CDH8: variants seen among roughly 807,000 people sequenced by gnomAD.
CDH8 encodes the protein cadherin-8.
In CDH8, 17 loss-of-function variants were observed where a neutral mutation model predicts 68.1. The ratio of observed to expected loss-of-function variants is 0.25; its 90% confidence interval spans 0.17 to 0.37. The LOEUF is 0.37. Ranked by LOEUF, CDH8 falls within the 10% of genes least tolerant of loss-of-function variation. The pLI is 1.00. For synonymous variants in CDH8, 372 were observed against 365.1 expected (o/e 1.02, Z -0.21); for missense variants, 763 against 999.3 (o/e 0.76, Z 3.19).
chr16:61,899,475 G>T (rs991515968), intron 3 of CDH8, among the ~76,000 whole-genome samples: 2 of 151,954 alleles, frequency 1.3e-5, no homozygotes, highest in Non-Finnish European at 2.9e-5. Context: ...AGACAATGGA[G>T]GGAAGGAGAG....
Position 61,996,800 on chromosome 16 carries a change from C to T in CDH8, c.252+24352G>A, listed in dbSNP as rs988995157. On this transcript the variant is annotated intron_variant, in intron 2 of 11. Transcript: ENST00000577390. ...CTTGCTACATTGCCAAAGCTGGTCT[C>T]GAACTCCCGGGCTCAAGCAATACTC... Among the ~76,000 whole-genome samples, 6 of 152,168 alleles carry T rather than the reference C, an allele frequency of 3.9e-5. No homozygotes were observed. The East Asian group carries it at 9.7e-4, about 25-fold the overall frequency.
chr16:61,684,973 T>C (rs1964080141), intron 10 of CDH8, among the ~76,000 whole-genome samples: 1 of 151,972 alleles, frequency 6.6e-6, no homozygotes, highest in South Asian at 2.1e-4. Context: ...AGCTTCCTAT[T>C]ACTGTCAATA....
intron 3 of CDH8, among the ~76,000 whole-genome samples, chr16:61,867,996 C>T (rs763257735): frequency 2.0e-5 from 3 of 152,224 alleles, no homozygotes; most frequent in Admixed American, 6.5e-5. Context: ...AACATGGCTC[C>T]GTCACTTTGT....
intron 4 of CDH8, among the ~76,000 whole-genome samples, chr16:61,845,502 T>TTAAA (rs1555514547): frequency 1.7e-5 from 2 of 117,726 alleles, no homozygotes; most frequent in East Asian, 4.8e-4. Context: ...TCCAGATATG[T>TTAAA]AAAAAAAAAA....
At position 61,652,300 on chromosome 16, in the gene CDH8, A is replaced by T. The variant is rs1045503031; in HGVS notation, c.*1308T>A. 3.0e-6 allele frequency: 3 copies of T among 985,230 alleles called. No homozygotes were observed. The highest frequency in any genetic ancestry group is 3.6e-6 in the Non-Finnish European group (3 of 829,772). 61.0% of individuals were successfully genotyped at this position (985,230 alleles called of 1,614,324 possible). On this transcript the variant is annotated 3_prime_UTR_variant, in exon 12 of 12. Coordinates refer to ENST00000577390, the MANE Select transcript of CDH8 (RefSeq NM_001796.5). ...TGCTAAAAACGTAAACAGTGAAATT[A>T]TGTACAAATCAGTTCCTGCTCTAAA...
chr16:61,835,214 T>C (rs1962543259), intron 4 of CDH8, among the ~76,000 whole-genome samples: 1 of 151,966 alleles, frequency 6.6e-6, no homozygotes, highest in South Asian at 2.1e-4. Flanking sequence ...TTGAAAGCTT[T>C]AAATCAGACC....
intron 2 of CDH8, among the ~76,000 whole-genome samples, chr16:61,990,205 TATAAC>T (rs1164151019): frequency 6.6e-6 from 1 of 152,096 alleles, no homozygotes. Flanking sequence ...TATTACCTAT[TATAAC>T]AGATTAGAGA....
chr16:61,830,288 C>G (rs1962427137), intron 4 of CDH8, among the ~76,000 whole-genome samples: 1 of 151,658 alleles, frequency 6.6e-6, no homozygotes, highest in Admixed American at 6.6e-5. Context: ...ATACAGAGCA[C>G]AAAATATAGT....
chr16:61,794,263 A>G (rs1961447722), intron 7 of CDH8, among the ~76,000 whole-genome samples: 1 of 151,756 alleles, frequency 6.6e-6, no homozygotes, highest in Admixed American at 6.6e-5. Context: ...TCCAAAGGCC[A>G]CTCATATACC....
At chr16:61,944,226 C>G (rs757689942) in intron 2 of CDH8, among the ~76,000 whole-genome samples, 1 of 152,082 alleles carries the variant, frequency 6.6e-6, no homozygotes, top group Non-Finnish European at 1.5e-5. Context: ...ATGAGTGCCC[C>G]GTGAATTTTG....
chr16:61,751,382 TAAAAA>T (rs71134375), intron 8 of CDH8, among the ~76,000 whole-genome samples: 10,042 of 54,018 alleles, frequency 0.19, 409 homozygotes, highest in Middle Eastern at 0.28. Context: ...ATATTCTCCT[TAAAAA>T]AAAAAAAAAA....
intron 2 of CDH8, among the ~76,000 whole-genome samples, chr16:61,995,093 A>G (rs1965787218): frequency 6.6e-6 from 1 of 152,166 alleles, no homozygotes; most frequent in African/African-American, 2.4e-5. Flanking sequence ...TAGCCAAGGT[A>G]CTCGCAGGTA....
chr16:61,730,408 A>G (rs1240942012), intron 8 of CDH8, among the ~76,000 whole-genome samples: 4 of 151,460 alleles, frequency 2.6e-5, no homozygotes, highest in African/African-American at 7.3e-5. Flanking sequence ...TGTTTTTTCA[A>G]TTATCATCTT....
chr16:61,772,718 G>A (rs1023857087), intron 8 of CDH8, among the ~76,000 whole-genome samples: 14 of 151,964 alleles, frequency 9.2e-5, no homozygotes, highest in South Asian at 2.1e-4. Context: ...TTAAGACTGC[G>A]GGGATTATAG....
chr16:61,703,041 A>G (rs2142852369), intron 10 of CDH8, among the ~76,000 whole-genome samples: 1 of 152,344 alleles, frequency 6.6e-6, no homozygotes, highest in East Asian at 1.9e-4. Flanking sequence ...TGAGTAATAG[A>G]GAATAAATTT....
intron 3 of CDH8, among the ~76,000 whole-genome samples, chr16:61,870,161 T>C (rs150941379): frequency 6.6e-6 from 1 of 152,258 alleles, no homozygotes; most frequent in Admixed American, 6.5e-5. Flanking sequence ...CTTCATAATA[T>C]CACATCTTGT....
In CDH8 at chr16:61,651,966, TAATAGATCTTCCAC is replaced by T. The variant is rs940727009; in HGVS notation, c.*1628_*1641del. Reference sequence around the variant, plus strand: ...TTTTAGTTTGAGTTGATGATTCTGTTAATAGATCTTCCACTGATTGAAAAAAAAATTAATGACAA... The same window carrying T: ...TTTTAGTTTGAGTTGATGATTCTGTTTGATTGAAAAAAAAATTAATGACAA... On this transcript the variant is annotated 3_prime_UTR_variant, in exon 12 of 12. Coordinates refer to ENST00000577390, the MANE Select transcript of CDH8 (RefSeq NM_001796.5). 184 of 477,676 alleles carry T rather than the reference TAATAGATCTTCCAC, an allele frequency of 3.9e-4. 1 individual carries two copies. The highest frequency in any genetic ancestry group is 3.7e-3 in the African/African-American group (178 of 47,622). 29.6% of individuals were successfully genotyped at this position (477,676 alleles called of 1,614,324 possible).
chr16:61,779,971 G>A (rs1245546277), intron 8 of CDH8, among the ~76,000 whole-genome samples: 2 of 152,164 alleles, frequency 1.3e-5, no homozygotes, highest in African/African-American at 4.8e-5. Flanking sequence ...ATATTCTGCA[G>A]TTAAACAAAG....
intron 3 of CDH8, among the ~76,000 whole-genome samples, chr16:61,890,230 C>A (rs148608977): frequency 6.6e-6 from 1 of 151,988 alleles, no homozygotes; most frequent in Non-Finnish European, 1.5e-5. Context: ...ATAATCAAAT[C>A]GAGTTTAAGA....
Sources: gnomAD v4.1 joint callset for allele counts (sites outside exome capture counted in the v4.1 genomes callset) on GRCh38, gnomAD v4.1.1 for gene constraint, MANE v1.5 for transcripts, NCBI Gene and HGNC (gene_info 2026-07-23, HGNC 2026-07-21) for gene names.